Variants in PRKCA observed in about 807,000 individuals in gnomAD.
PRKCA encodes the protein protein kinase C alpha.
PRKCA carries 27 observed loss-of-function variants against 87.0 expected under a neutral mutation model. The ratio of observed to expected loss-of-function variants is 0.31; its 90% CI spans 0.23 to 0.43. The LOEUF (loss-of-function observed/expected upper bound fraction) is 0.43, where lower values mean the gene tolerates loss of function less well. PRKCA is among the 20% of genes least tolerant of loss of function. The pLI is 1.00. For missense variants in PRKCA, 518 were observed against 852.3 expected, an observed-to-expected ratio of 0.61 and a Z score of 4.88; for synonymous variants, 329 against 311.1, an observed-to-expected ratio of 1.06 and a Z score of -0.61.
intron 3 of PRKCA, among the ~76,000 whole-genome samples, chr17:66,514,134 T>C (rs1412919564): frequency 6.6e-6 from 1 of 152,216 alleles, no homozygotes; most frequent in Non-Finnish European, 1.5e-5. Flanking sequence ...CTGTGCCTGA[T>C]TTATAAATTA....
intron 2 of PRKCA, among the ~76,000 whole-genome samples, chr17:66,376,954 T>C (rs1567797347): frequency 6.6e-6 from 1 of 152,142 alleles, no homozygotes; most frequent in Non-Finnish European, 1.5e-5. Context: ...TGCTGGAAAC[T>C]GTGGCACCAA....
chr17:66,761,722 C>G (rs1974689867), intron 13 of PRKCA, among the ~76,000 whole-genome samples: 1 of 151,978 alleles, frequency 6.6e-6, no homozygotes, highest in Non-Finnish European at 1.5e-5. Context: ...CTGTGCCCGG[C>G]CAGTTTTCTT....
intron 3 of PRKCA, among the ~76,000 whole-genome samples, chr17:66,512,457 AGTGTGTGTGT>A (rs71160573): frequency 2.4e-4 from 35 of 144,444 alleles, no homozygotes; most frequent in Non-Finnish European, 2.9e-4. Flanking sequence ...CAACAAAAAA[AGTGTGTGTGT>A]GTGTGTGTGT....
chr17:66,490,755 A>G (rs1366852515), intron 2 of PRKCA, among the ~76,000 whole-genome samples: 1 of 151,962 alleles, frequency 6.6e-6, no homozygotes, highest in African/African-American at 2.4e-5. Flanking sequence ...TAATTTTTGT[A>G]TTTTTAGTAG....
intron 3 of PRKCA, among the ~76,000 whole-genome samples, chr17:66,602,833 G>A (rs887110700): frequency 7.2e-5 from 11 of 152,122 alleles, no homozygotes; most frequent in African/African-American, 1.9e-4. Flanking sequence ...AGGAGTGTGC[G>A]CTGTGGGGGA....
intron 6 of PRKCA, 21 bp downstream of exon 6, chr17:66,687,288 C>A: frequency 1.2e-6 from 2 of 1,608,304 alleles, no homozygotes; most frequent in South Asian, 2.2e-5. Flanking sequence ...TCTCCTTGAT[C>A]AAATTTCATT....
At chr17:66,370,228 CTT>C (rs35851942) in intron 2 of PRKCA, among the ~76,000 whole-genome samples, 3 of 112,244 alleles carry the variant, frequency 2.7e-5, no homozygotes, top group African/African-American at 1.1e-4. Context: ...TATTTTGATA[CTT>C]TTTTTTTTTT....
chr17:66,377,721 ATTTT>A (rs1229084236), intron 2 of PRKCA, among the ~76,000 whole-genome samples: 9 of 69,146 alleles, frequency 1.3e-4, no homozygotes, highest in East Asian at 4.8e-4. Context: ...ATATATATAT[ATTTT>A]TTTTTTTTTT....
At chr17:66,428,739 A>G (rs574387248) in intron 2 of PRKCA, among the ~76,000 whole-genome samples, 3 of 152,158 alleles carry the variant, frequency 2.0e-5, no homozygotes, top group African/African-American at 7.2e-5. Flanking sequence ...CCTGACCTCA[A>G]GTGATCCGCC....
chr17:66,697,653 CAGCATGGCTGAGAGAT>C (rs1972958866), intron 8 of PRKCA, among the ~76,000 whole-genome samples: 2 of 152,188 alleles, frequency 1.3e-5, no homozygotes, highest in South Asian at 4.1e-4. Context: ...CTGAGATAAT[CAGCATGGCTGAGAGAT>C]TGGGAGAGGC....
chr17:66,787,720 C>T (rs1384729843), intron 15 of PRKCA, among the ~76,000 whole-genome samples: 2 of 152,120 alleles, frequency 1.3e-5, no homozygotes, highest in Admixed American at 1.3e-4. Flanking sequence ...TACCCCGCCC[C>T]AAGATAACCT....
rs546683754 is a variant in PRKCA, at chr17:66,578,742, C to G, written c.289-62613C>G. ...ACCTCTGCATCCTGGGCCTGTGGTT[C>G]CTGTCCTCTTCATCCAGATCTGTGA... On this transcript the variant is annotated intron_variant, in intron 3 of 16. Transcript: ENST00000413366. Among the ~76,000 whole-genome samples, 513 of 152,310 alleles carry G rather than the reference C, an allele frequency of 3.4e-3. 2 individuals are homozygous for G. Among genetic ancestry groups the G allele is most frequent in the African/African-American group, 0.012 (488 of 41,562 alleles).
chr17:66,587,585 A>G (rs1020421526), intron 3 of PRKCA, among the ~76,000 whole-genome samples: 1 of 151,676 alleles, frequency 6.6e-6, no homozygotes, highest in Non-Finnish European at 1.5e-5. Flanking sequence ...ATATAGATAG[A>G]TAGACAGATA....
At position 66,303,019 on chromosome 17, in the gene PRKCA, C is replaced by T; in HGVS notation, c.168C>T (p.Phe56=). 1 of 1,609,004 alleles carries T rather than the reference C, an allele frequency of 6.2e-7. No individual in the cohort carries two copies. The highest frequency in any genetic ancestry group is 8.5e-7 in the Non-Finnish European group (1 of 1,177,680). The part of the protein sequence containing the change: ...QPTFCSHCTD[F]IWGFGKQGFQ... ...CCTTCTGCAGCCACTGCACCGACTT[C>T]ATCTGGTAGGTGCCGGGCCGGGCAC... Residue 56 remains phenylalanine, a synonymous_variant, in exon 1 of 17, where the codon TTC becomes TTT. Transcript: ENST00000413366.
intron 8 of PRKCA, among the ~76,000 whole-genome samples, chr17:66,690,116 A>T (rs913387308): frequency 1.3e-5 from 2 of 152,250 alleles, no homozygotes; most frequent in Non-Finnish European, 2.9e-5. Flanking sequence ...CAAAAGAAAC[A>T]TATAGGTCTT....
At chr17:66,485,230 C>T (rs1056422306) in intron 2 of PRKCA, among the ~76,000 whole-genome samples, 6 of 152,154 alleles carry the variant, frequency 3.9e-5, no homozygotes, top group African/African-American at 1.4e-4. Flanking sequence ...CGATGCTCCC[C>T]CAAAACCTTG....
At chr17:66,556,861 C>T (rs1968511256) in intron 3 of PRKCA, among the ~76,000 whole-genome samples, 1 of 152,108 alleles carries the variant, frequency 6.6e-6, no homozygotes, top group African/African-American at 2.4e-5. Context: ...TATAAATTAC[C>T]CCATCTCGGG....
In PRKCA at chr17:66,810,104, C is replaced by G. The variant is rs1165462707; in HGVS notation, c.*6067C>G. The stretch of plus-strand genomic sequence containing the variant: ...GCTTTTCAGAAAATAGGTGTCAAGT[C>G]CACTTTATAAGAACCTTTTTTTCTA... On this transcript the variant is annotated 3_prime_UTR_variant, in exon 17 of 17. Coordinates refer to ENST00000413366, the MANE Select transcript of PRKCA (RefSeq NM_002737.3). The G allele has an allele frequency of 1.3e-5, 2 of 152,222 alleles. No individual in the cohort carries two copies. The highest frequency in any genetic ancestry group is 2.9e-5 in the Non-Finnish European group (2 of 68,044). The allele number at this position is 152,222 out of a possible 1,614,324, so 9.4% of individuals were successfully genotyped here.
At chr17:66,774,419 G>A (rs1417302299) in intron 14 of PRKCA, 41 of 991,934 alleles carry the variant, frequency 4.1e-5, no homozygotes, top group South Asian at 1.1e-4. Flanking sequence ...TCAGGAGTTC[G>A]AGACCACCCT....
Sources: allele counts gnomAD v4.1 joint callset (sites outside exome capture counted in the v4.1 genomes callset), GRCh38; gene constraint gnomAD v4.1.1; transcripts MANE v1.5; gene names NCBI Gene and HGNC (gene_info 2026-07-23, HGNC 2026-07-21).